The following KRT74 variants were observed in gnomAD, a reference collection of about 807,000 sequenced individuals.
KRT74 encodes the protein keratin 74, also known as keratin, type II cytoskeletal 74.
KRT74 carries 43 observed loss-of-function variants against 42.7 expected under a neutral mutation model. The ratio of observed to expected loss-of-function variants is 1.01; its 90% CI spans 0.79 to 1.30. KRT74 has a LOEUF of 1.30. KRT74 is among the 50% of genes most tolerant of loss of function. KRT74 has a pLI of 0.00. For synonymous variants in KRT74, 302 were observed against 279.0 expected (o/e 1.08, Z -0.82); for missense variants, 736 against 689.1 (o/e 1.07, Z -0.76).
chr12:52,572,332 G>A (rs1592214066), intron 2 of KRT74, 121 bp downstream of exon 2: 2 of 1,030,336 alleles, frequency 1.9e-6, no homozygotes, highest in East Asian at 4.9e-5. Flanking sequence ...CAGAGAAAGG[G>A]ATGTGAGCTC....
At position 52,573,456 on chromosome 12, in the gene KRT74, G is replaced by C. The variant is rs772026882; in HGVS notation, c.322C>G (p.Pro108Ala). The C allele has an allele frequency of 5.0e-6, 8 of 1,614,192 alleles. No individual in the cohort carries two copies. The highest frequency in any genetic ancestry group is 1.6e-4 in the Middle Eastern group (1 of 6,062). Residue 108 changes from proline to alanine, a missense_variant, in exon 1 of 9, where the codon CCA (proline) becomes GCA (alanine). By Grantham distance (27) the Pro-to-Ala change is conservative (BLOSUM62 -1). Transcript: ENST00000305620. ...GTGACCTGGTGGATGCCCCCAGGTGGGCACACAGACAAACATGCAGGCCCC... is the reference window on the plus strand; with the variant it reads ...GTGACCTGGTGGATGCCCCCAGGTGCGCACACAGACAAACATGCAGGCCCC... ...ALGPACLSVC[P>A]PGGIHQVTVN...
At chr12:52,568,520 A>G (rs1166434262) in intron 6 of KRT74, 131 bp from the exon 7 acceptor site, 2 of 921,618 alleles carry the variant, frequency 2.2e-6, no homozygotes, top group Non-Finnish European at 3.4e-6. Context: ...CAAAGCCAAC[A>G]CCAGAACTTT....
intron 7 of KRT74, among the ~76,000 whole-genome samples, chr12:52,567,960 C>T (rs960757526): frequency 5.9e-5 from 9 of 152,114 alleles, no homozygotes; most frequent in African/African-American, 1.4e-4. Flanking sequence ...TCTGTCTGAG[C>T]CCCCGGTTCT....
At position 52,573,802 on chromosome 12, in the gene KRT74, G is replaced by C. The variant is rs1939533767; in HGVS notation, c.-25C>G. On this transcript the variant is annotated 5_prime_UTR_variant, in exon 1 of 9. Coordinates refer to ENST00000305620, the MANE Select transcript of KRT74 (RefSeq NM_175053.4). ...TGGTGGGAAAGGTTGAGTTGACAGAGCTGGAGAAAAGCAGTCTCCAAGGGG... is the reference window on the plus strand; with the variant it reads ...TGGTGGGAAAGGTTGAGTTGACAGACCTGGAGAAAAGCAGTCTCCAAGGGG... The C allele has an allele frequency of 6.3e-7, 1 of 1,588,490 alleles. No homozygotes were observed. The highest frequency in any genetic ancestry group is 1.3e-5 in the African/African-American group (1 of 74,502).
In KRT74 at chr12:52,571,327, G is replaced by A. The variant is rs371610182; in HGVS notation, c.843+32C>T. 3 of 1,305,028 alleles carry A rather than the reference G, an allele frequency of 2.3e-6. No homozygotes were observed. The African/African-American group carries it at 4.4e-5, about 19-fold the overall frequency. 80.8% of individuals were successfully genotyped at this position (1,305,028 alleles called of 1,614,324 possible). On this transcript the variant is annotated intron_variant, in intron 4 of 8. Coordinates refer to ENST00000305620, the MANE Select transcript of KRT74 (RefSeq NM_175053.4). ...CCCTGGAAGAGTCGGGAAGGAGGCAGGGTGAGGGTGGGGGGACAGGAGTGT... is the reference window on the plus strand; with the variant it reads ...CCCTGGAAGAGTCGGGAAGGAGGCAAGGTGAGGGTGGGGGGACAGGAGTGT...
In KRT74 at chr12:52,571,968, C is replaced by G. The variant is rs954262787; in HGVS notation, c.723G>C (p.Glu241Asp). The part of the protein sequence containing the change: ...EVEINRRTTA[E>D]NEFVVLKKDA... ...CCTTCTTAAGCACCACAAACTCATT[C>G]TCTGCTGTCGTGCGCCGGTTAATCT... The change falls in exon 3 of 9, where the codon GAG becomes GAC. Residue 241 changes from glutamate (E) to aspartate (D), a missense_variant. Glu to Asp is a conservative substitution (Grantham distance 45, BLOSUM62 2). Coordinates refer to ENST00000305620, the MANE Select transcript of KRT74 (RefSeq NM_175053.4). 1.9e-6 allele frequency: 3 copies of G among 1,596,948 alleles called. No homozygotes were observed. Among genetic ancestry groups the G allele is most frequent in the Non-Finnish European group, 2.6e-6 (3 of 1,164,616 alleles).
chr12:52,567,552 A>G, intron 8 of KRT74, 107 bp downstream of exon 8: 1 of 877,566 alleles, frequency 1.1e-6, no homozygotes, highest in Non-Finnish European at 2.0e-6. Flanking sequence ...CCTTCCCAAG[A>G]CAGTAACAGA....
rs114292530 is a variant in KRT74 at position 52,571,914 on chromosome 12, C to T, written c.747+30G>A. 23 of 1,400,374 alleles carry T rather than the reference C, an allele frequency of 1.6e-5. No individual in the cohort carries two copies. In the African/African-American group the frequency reaches 3.3e-4, roughly 20 times the overall value. The allele number at this position is 1,400,374 out of a possible 1,614,324, so 86.7% of individuals were successfully genotyped here. On this transcript the variant is annotated intron_variant, in intron 3 of 8. Transcript: ENST00000305620. Reference sequence around the variant, plus strand: ...GTTGTTAAGATGGGGGTGCGAGAGACCCTAATAAGGAGGCTCCTCCCTCTC... The same window carrying T: ...GTTGTTAAGATGGGGGTGCGAGAGATCCTAATAAGGAGGCTCCTCCCTCTC...
Position 52,566,961 on chromosome 12 carries a change from C to A in KRT74, c.*8G>T. 1 of 1,606,104 alleles carries A rather than the reference C, an allele frequency of 6.2e-7. No homozygotes were observed. Among genetic ancestry groups the A allele is most frequent in the Non-Finnish European group, 8.5e-7 (1 of 1,175,144 alleles). ...CTTCCAAGTGCTGAGGTGGGTGAGG[C>A]CATGGGTCTAGCGGGTGGCTTTCCT... On this transcript the variant is annotated 3_prime_UTR_variant, in exon 9 of 9. Transcript: ENST00000305620.
Position 52,571,562 on chromosome 12 carries a change from G to C in KRT74, c.748-108C>G, listed in dbSNP as rs921529099. 5.0e-6 allele frequency: 4 copies of C among 807,700 alleles called. No homozygotes were observed. In the East Asian group the frequency reaches 9.9e-5, roughly 20 times the overall value. 50.0% of individuals were successfully genotyped at this position (807,700 alleles called of 1,614,324 possible). A position where few individuals can be genotyped will look rare whatever the true frequency, so the allele number is the denominator to read the frequency against. On this transcript the variant is annotated intron_variant, in intron 3 of 8. Transcript: ENST00000305620. Reference sequence around the variant, plus strand: ...GATTTTCTATTTTCTACCCACAAAGGAAAGCTCACTCAATATCAATTTCTT... The same window carrying C: ...GATTTTCTATTTTCTACCCACAAAGCAAAGCTCACTCAATATCAATTTCTT...
intron 2 of KRT74, 84 bp from the exon 3 acceptor site, chr12:52,572,088 C>G (rs1287846190): frequency 7.6e-6 from 8 of 1,050,088 alleles, no homozygotes; most frequent in Non-Finnish European, 1.2e-5. Flanking sequence ...GTTTGGGATA[C>G]AGGGTCCCTG....
rs144213270 is a variant in KRT74 at position 52,568,247 on chromosome 12, T to C, written c.1277A>G (p.Gln426Arg). ...EELARMLREY[Q>R]ELMSLKLALD... ...GGCCAGTTTCAGGCTCATGAGCTCC[T>C]GGTACTCGCGCAGCATCCGCGCCAG... is the stretch of plus-strand genomic sequence containing the variant. Residue 426 changes from glutamine to arginine, a missense_variant, in exon 7 of 9, where the codon CAG becomes CGG. Transcript: ENST00000305620. The C allele has an allele frequency of 1.2e-6, 2 of 1,614,058 alleles. No homozygotes were observed. Among genetic ancestry groups the C allele is most frequent in the Non-Finnish European group, 1.7e-6 (2 of 1,180,034 alleles).
Position 52,571,347 on chromosome 12 carries a change from G to A in KRT74, c.843+12C>T, listed in dbSNP as rs1370132018. On this transcript the variant is annotated intron_variant, in intron 4 of 8. Transcript: ENST00000305620. Reference sequence around the variant, plus strand: ...AGGCAGGGTGAGGGTGGGGGGACAGGAGTGTCCTTACTGCATCATACAGAC... The same window carrying A: ...AGGCAGGGTGAGGGTGGGGGGACAGAAGTGTCCTTACTGCATCATACAGAC... 1.3e-6 allele frequency: 2 copies of A among 1,509,778 alleles called. No individual in the cohort carries two copies. The highest frequency in any genetic ancestry group is 1.7e-5 in the Admixed American group (1 of 59,922). The allele number at this position is 1,509,778 out of a possible 1,614,324, so 93.5% of individuals were successfully genotyped here.
At chr12:52,571,675 A>G (rs1210628746) in intron 3 of KRT74, among the ~76,000 whole-genome samples, 2 of 152,188 alleles carry the variant, frequency 1.3e-5, no homozygotes, top group Non-Finnish European at 2.9e-5. Context: ...GAGAGGTAGT[A>G]GGTTTCCTCA....
chr12:52,568,936 C>G (rs1383648755), intron 6 of KRT74, among the ~76,000 whole-genome samples: 1 of 152,230 alleles, frequency 6.6e-6, no homozygotes, highest in Admixed American at 6.5e-5. Flanking sequence ...ATAGGCACAA[C>G]CTCAGAAGCT....
intron 5 of KRT74, 130 bp from the exon 6 acceptor site, chr12:52,570,114 G>T: frequency 9.6e-7 from 1 of 1,042,118 alleles, no homozygotes. Context: ...CTGGGACAGG[G>T]TCCTGGGGGC....
At position 52,568,208 on chromosome 12, in the gene KRT74, A is replaced by G; in HGVS notation, c.1316T>C (p.Ile439Thr). ...CTCCAGCAGCTTGCGGTAGGTGGCA[A>G]TCTCCATGTCCAGGGCCAGTTTCAG... ...MSLKLALDME[I>T]ATYRKLLEGE... is the part of the protein sequence containing the mutation. Residue 439 changes from isoleucine (I) to threonine (T), a missense_variant, in exon 7 of 9, where the codon ATT becomes ACT. Ile to Thr is a moderately conservative substitution (Grantham distance 89). Coordinates refer to ENST00000305620, the MANE Select transcript of KRT74 (RefSeq NM_175053.4). 1.2e-6 allele frequency: 2 copies of G among 1,613,996 alleles called. No homozygotes were observed. Among genetic ancestry groups the G allele is most frequent in the South Asian group, 2.2e-5 (2 of 91,072 alleles).
chr12:52,568,947 G>A (rs1369961261), intron 6 of KRT74, among the ~76,000 whole-genome samples: 1 of 152,192 alleles, frequency 6.6e-6, no homozygotes, highest in Admixed American at 6.5e-5. Context: ...CTCAGAAGCT[G>A]GACTCTGATG....
At chr12:52,568,434 T>C in intron 6 of KRT74, 45 bp from the exon 7 acceptor site, 1 of 1,593,302 alleles carries the variant, frequency 6.3e-7, no homozygotes, top group Non-Finnish European at 8.6e-7. Context: ...GAAAATTACA[T>C]TTAGCTCATA....
Sources: gnomAD v4.1 joint callset for allele counts (sites outside exome capture counted in the v4.1 genomes callset) on GRCh38, gnomAD v4.1.1 for gene constraint, MANE v1.5 for transcripts, NCBI Gene and HGNC (gene_info 2026-07-23, HGNC 2026-07-21) for gene names.